The following COX7A2 variants were observed in gnomAD, a reference collection of about 807,000 sequenced individuals.
COX7A2 encodes the protein cytochrome c oxidase subunit 7A2, mitochondrial.
COX7A2 carries 11 observed loss-of-function variants against 11.6 expected under a neutral mutation model. The observed-to-expected ratio is 0.95, with a 90% confidence interval of 0.60 to 1.57. COX7A2 has a LOEUF of 1.57. Ranked by LOEUF, COX7A2 falls within the 40% of genes most tolerant of loss-of-function variation. The pLI is 0.00. For missense variants in COX7A2, 106 were observed against 100.9 expected, an observed-to-expected ratio of 1.05 and a Z score of -0.22; for synonymous variants, 30 against 38.2, an observed-to-expected ratio of 0.78 and a Z score of 0.79.
chr6:75,249,479 C>G (rs240429), intron 1 of COX7A2, among the ~76,000 whole-genome samples: 139,113 of 152,298 alleles, frequency 0.91, 63,788 homozygotes, highest in East Asian at 0.98. Context: ...CATGACTGAA[C>G]GTAAGATACA....
chr6:75,241,334 G>A, intron 1 of COX7A2, 69 bp from the exon 2 acceptor site: 6 of 1,317,628 alleles, frequency 4.6e-6, no homozygotes, highest in African/African-American at 2.9e-5. Context: ...ATTTTCAGTC[G>A]TTCATATTAT....
At chr6:75,243,888 C>G (rs539372353), upstream of COX7A2, 1 of 1,518,916 alleles carries the variant, frequency 6.6e-7, no homozygotes, top group African/African-American at 1.4e-5. Flanking sequence ...CCATAGAGAG[C>G]AAAAGAAAAA....
intron 1 of COX7A2, among the ~76,000 whole-genome samples, chr6:75,242,855 T>C (rs890044727): frequency 4.0e-5 from 6 of 150,146 alleles, no homozygotes; most frequent in Admixed American, 1.3e-4. Context: ...TAAAATAAAA[T>C]AAATAAAAAC....
intron 1 of COX7A2, among the ~76,000 whole-genome samples, chr6:75,249,129 C>T (rs954165206): frequency 6.6e-6 from 1 of 152,090 alleles, no homozygotes; most frequent in Admixed American, 6.6e-5. Flanking sequence ...CCCAGCTACT[C>T]GGGAGGCTGA....
chr6:75,241,324 AT>A, intron 1 of COX7A2, 59 bp from the exon 2 acceptor site: 7 of 1,369,222 alleles, frequency 5.1e-6, no homozygotes, highest in Non-Finnish European at 6.8e-6. Context: ...AAAACCAACT[AT>A]TTTCAGTCGT....
intron 1 of COX7A2, among the ~76,000 whole-genome samples, chr6:75,249,029 G>A (rs1004438298): frequency 6.6e-6 from 1 of 152,056 alleles, no homozygotes; most frequent in Non-Finnish European, 1.5e-5. Flanking sequence ...AGGCCGAGGC[G>A]GGCAGATCAC....
chr6:75,244,964 C>G (rs933286405), upstream of COX7A2, among the ~76,000 whole-genome samples: 1 of 152,130 alleles, frequency 6.6e-6, no homozygotes, highest in African/African-American at 2.4e-5. Flanking sequence ...TTACCACGTG[C>G]CAATAGCTAG....
upstream of COX7A2, among the ~76,000 whole-genome samples, chr6:75,246,772 AT>A (rs1043680397): frequency 7.2e-5 from 11 of 152,200 alleles, no homozygotes; most frequent in African/African-American, 2.7e-4. Flanking sequence ...CTCATTCATT[AT>A]CTTCTTGCTC....
chr6:75,245,256 C>G (rs903337511), upstream of COX7A2, among the ~76,000 whole-genome samples: 1 of 152,152 alleles, frequency 6.6e-6, no homozygotes, highest in Non-Finnish European at 1.5e-5. Context: ...CTTTGGGAGG[C>G]CGAGGCGGGC....
chr6:75,243,123 C>T (rs551977055), intron 1 of COX7A2, among the ~76,000 whole-genome samples: 2 of 152,178 alleles, frequency 1.3e-5, no homozygotes, highest in African/African-American at 4.8e-5. Flanking sequence ...TAATCATTGT[C>T]GCATTTTTCT....
intron 1 of COX7A2, among the ~76,000 whole-genome samples, chr6:75,242,197 T>A (rs1320074472): frequency 8.2e-5 from 12 of 146,024 alleles, no homozygotes; most frequent in Non-Finnish European, 1.4e-4. Flanking sequence ...TGAAACTCCA[T>A]CTCAAAAAAA....
At chr6:75,245,871 T>A (rs932833246), upstream of COX7A2, among the ~76,000 whole-genome samples, 1 of 152,218 alleles carries the variant, frequency 6.6e-6, no homozygotes, top group African/African-American at 2.4e-5. Flanking sequence ...ACTTTTTAAT[T>A]TGGAGGTAAA....
In COX7A2 at chr6:75,241,197, C is replaced by T. The variant is rs778637086; in HGVS notation, c.87G>A (p.Pro29=). The T allele has an allele frequency of 6.3e-7, 1 of 1,596,858 alleles. No homozygotes were observed. The change falls in exon 2 of 4, where the codon CCG becomes CCA. Residue 29 remains proline, a synonymous_variant. Coordinates refer to ENST00000684430, the MANE Select transcript of COX7A2 (RefSeq NM_001366293.2). ...ASRRHFKNKV[P]EKQKLFQEDD... is the part of the protein sequence containing the mutation. ...GTACCTGGAACAGTTTTTGCTTCTC[C>T]GGAACTTTATTTTTAAAATGCCTGC...
rs1170256324 is a variant in COX7A2 at position 75,243,771 on chromosome 6, C to G, written c.-37G>C. 3.1e-6 allele frequency: 5 copies of G among 1,614,012 alleles called. No individual in the cohort carries two copies. Among genetic ancestry groups the G allele is most frequent in the Non-Finnish European group, 4.2e-6 (5 of 1,179,972 alleles). On this transcript the variant is annotated 5_prime_UTR_variant, in exon 1 of 4. Transcript: ENST00000684430. ...CTGACCAGCAACCGCCACAACTGAACACCACCAACGAAAATGGCCACGCCG... is the reference window on the plus strand; with the variant it reads ...CTGACCAGCAACCGCCACAACTGAAGACCACCAACGAAAATGGCCACGCCG...
intron 2 of COX7A2, chr6:75,240,606 C>T (rs1266397127): frequency 9.4e-6 from 4 of 424,230 alleles, no homozygotes; most frequent in South Asian, 4.3e-5. Context: ...CTTCTTTCAC[C>T]GTTAATTTGA....
At chr6:75,240,545 C>T (rs918436210) in intron 2 of COX7A2, 160 bp from the exon 3 acceptor site, 18 of 555,842 alleles carry the variant, frequency 3.2e-5, no homozygotes, top group Admixed American at 2.2e-4. Context: ...TTTCTTTATT[C>T]CGTCTCTACT....
At chr6:75,243,686 C>T in intron 1 of COX7A2, 31 bp downstream of exon 1, 1 of 1,603,656 alleles carries the variant, frequency 6.2e-7, no homozygotes, top group Non-Finnish European at 8.5e-7. Flanking sequence ...CCCTCGCCCC[C>T]ATCATGAATG....
At chr6:75,241,295 A>G in intron 1 of COX7A2, 30 bp from the exon 2 acceptor site, 5 of 1,471,148 alleles carry the variant, frequency 3.4e-6, no homozygotes, top group Non-Finnish European at 4.6e-6. Flanking sequence ...AAATAGACTT[A>G]GAGCCTAAAG....
intron 3 of COX7A2, among the ~76,000 whole-genome samples, chr6:75,238,360 T>C (rs1235196857): frequency 1.3e-5 from 2 of 150,986 alleles, no homozygotes; most frequent in African/African-American, 4.9e-5. Flanking sequence ...CTAAAGTGAA[T>C]GTAAAAAAAA....
Sources: gnomAD v4.1 joint callset for allele counts (sites outside exome capture counted in the v4.1 genomes callset) on GRCh38, gnomAD v4.1.1 for gene constraint, MANE v1.5 for transcripts, NCBI Gene and HGNC (gene_info 2026-07-23, HGNC 2026-07-21) for gene names.